The following WDR82 variants were observed in gnomAD, a reference collection of about 807,000 sequenced individuals.
The protein encoded by WDR82 is WD repeat domain 82.
WDR82 carries 8 observed loss-of-function variants against 36.1 expected under a neutral mutation model. That is an observed-to-expected ratio of 0.22 (90% CI 0.13 to 0.40). The LOEUF is 0.40. WDR82 is among the 10% of genes least tolerant of loss of function. The pLI is 1.00. For missense variants in WDR82, 185 were observed against 400.5 expected, an observed-to-expected ratio of 0.46 and a Z score of 4.59; for synonymous variants, 129 against 137.8, an observed-to-expected ratio of 0.94 and a Z score of 0.45.
At chr3:52,274,285 C>T (rs1191941035) in intron 1 of WDR82, among the ~76,000 whole-genome samples, 1 of 152,196 alleles carries the variant, frequency 6.6e-6, no homozygotes, top group Non-Finnish European at 1.5e-5. Context: ...ACTATGCCTT[C>T]GGCCGGTCAC....
Position 52,278,455 on chromosome 3 carries a change from G to C in WDR82, c.-94C>G. ...CCGAGGGGCCAACCCAGGCGGGGCGGGCGCCGCGCCGGCGGCTAGCGGGAA... is the reference window on the plus strand; with the variant it reads ...CCGAGGGGCCAACCCAGGCGGGGCGCGCGCCGCGCCGGCGGCTAGCGGGAA... On this transcript the variant is annotated 5_prime_UTR_variant, in exon 1 of 9. Coordinates refer to ENST00000296490, the MANE Select transcript of WDR82 (RefSeq NM_025222.4). 3 of 1,097,924 alleles carry C rather than the reference G, an allele frequency of 2.7e-6. No individual in the cohort carries two copies. The highest frequency in any genetic ancestry group is 3.4e-6 in the Non-Finnish European group (3 of 884,188). The allele number at this position is 1,097,924 out of a possible 1,614,324, so 68.0% of individuals were successfully genotyped here.
At chr3:52,268,723 TAAA>T (rs775719787) in intron 2 of WDR82, among the ~76,000 whole-genome samples, 1 of 139,256 alleles carries the variant, frequency 7.2e-6, no homozygotes, top group Non-Finnish European at 1.6e-5. Context: ...AGAGTCTCAT[TAAA>T]AAAAAAAAAA....
At chr3:52,259,119 T>C (rs1700037551) in intron 7 of WDR82, 78 bp downstream of exon 7, 2 of 1,317,134 alleles carry the variant, frequency 1.5e-6, no homozygotes, top group Admixed American at 4.0e-5. Context: ...TAGATAATAA[T>C]GTCTCAGTTA....
At position 52,254,612 on chromosome 3, in the gene WDR82, ATTCT is replaced by A. The variant is rs759762688; in HGVS notation, c.*2874_*2877del. ...TGGTAGCATTTGGGTGGCAAACTTG[ATTCT>A]TTCTAAAATTCCCATATTTTCCTTA... On this transcript the variant is annotated 3_prime_UTR_variant, in exon 9 of 9. Transcript: ENST00000296490. 2.1e-3 allele frequency: 314 copies of A among 152,752 alleles called. 1 individual carries two copies. Among genetic ancestry groups the A allele is most frequent in the Admixed American group, 3.9e-3 (59 of 15,298 alleles). 9.5% of individuals were successfully genotyped at this position (152,752 alleles called of 1,614,324 possible).
chr3:52,258,734 T>C (rs1029190574), intron 7 of WDR82, 56 bp from the exon 8 acceptor site: 212 of 1,609,312 alleles, frequency 1.3e-4, no homozygotes, highest in Middle Eastern at 1.2e-3. Flanking sequence ...CAAAGACAAC[T>C]GGAAATGAGA....
chr3:52,263,818 A>G (rs958792447), intron 3 of WDR82, among the ~76,000 whole-genome samples: 1 of 152,252 alleles, frequency 6.6e-6, no homozygotes, highest in Non-Finnish European at 1.5e-5. Context: ...ACTGGACCTG[A>G]GTATTAGAAA....
chr3:52,256,633 A>C lies in WDR82; in HGVS notation c.*857T>G, dbSNP rs1272490759. ...CCCACAGGTAAGTGTGATGTATCTCATGTACAAAAATAGACTCCCACCTTG... is the reference window on the plus strand; with the variant it reads ...CCCACAGGTAAGTGTGATGTATCTCCTGTACAAAAATAGACTCCCACCTTG... On this transcript the variant is annotated 3_prime_UTR_variant, in exon 9 of 9. Transcript: ENST00000296490. The C allele has an allele frequency of 6.5e-6, 1 of 153,668 alleles. No homozygotes were observed. Among genetic ancestry groups the C allele is most frequent in the Non-Finnish European group, 1.5e-5 (1 of 68,020 alleles). The allele number at this position is 153,668 out of a possible 1,614,324, so 9.5% of individuals were successfully genotyped here.
chr3:52,270,660 A>G, intron 2 of WDR82, 52 bp downstream of exon 2: 1 of 1,381,660 alleles, frequency 7.2e-7, no homozygotes, highest in Non-Finnish European at 1.0e-6. Flanking sequence ...GATTCCATGA[A>G]CTATTTAACA....
intron 2 of WDR82, among the ~76,000 whole-genome samples, chr3:52,269,831 GTT>G (rs1174673889): frequency 1.3e-5 from 2 of 152,154 alleles, no homozygotes; most frequent in African/African-American, 2.4e-5. Context: ...AAGACAATCT[GTT>G]AACTTAGGAT....
At chr3:52,275,650 C>T (rs970041573) in intron 1 of WDR82, among the ~76,000 whole-genome samples, 2 of 152,192 alleles carry the variant, frequency 1.3e-5, no homozygotes, top group African/African-American at 4.8e-5. Context: ...CTTTGGGAGG[C>T]TGAGGCGGGT....
rs1700047891 is a variant in WDR82, at chr3:52,260,095, C to G, written c.544-223G>C. On this transcript the variant is annotated intron_variant, in intron 5 of 8. Coordinates refer to ENST00000296490, the MANE Select transcript of WDR82 (RefSeq NM_025222.4). The stretch of plus-strand genomic sequence containing the variant: ...CCTGTAATCCCAGCACTTTGGGAGG[C>G]CGAGGTGGGTGGATCACCAGAGGTG... 1.3e-5 allele frequency among the ~76,000 whole-genome samples: 2 copies of G among 152,182 alleles called. 1 individual carries two copies. The highest frequency in any genetic ancestry group is 4.1e-4 in the South Asian group (2 of 4,836).
chr3:52,259,157 C>T (rs752964091), intron 7 of WDR82, 40 bp downstream of exon 7: 1 of 1,547,306 alleles, frequency 6.5e-7, no homozygotes, highest in African/African-American at 1.4e-5. Flanking sequence ...ATGCATAGTA[C>T]CAGAGAAATA....
chr3:52,268,780 C>T (rs1700128081), intron 2 of WDR82, among the ~76,000 whole-genome samples: 1 of 151,048 alleles, frequency 6.6e-6, no homozygotes, highest in Non-Finnish European at 1.5e-5. Context: ...GAGATAGGCA[C>T]AGCCAAAATA....
chr3:52,273,266 CT>C (rs1187238115), intron 1 of WDR82, among the ~76,000 whole-genome samples: 1 of 152,022 alleles, frequency 6.6e-6, no homozygotes, highest in East Asian at 1.9e-4. Flanking sequence ...CCCATCTCTA[CT>C]AAAAATTAAA....
intron 1 of WDR82, among the ~76,000 whole-genome samples, chr3:52,275,792 G>A (rs768415057): frequency 6.6e-6 from 1 of 152,202 alleles, no homozygotes; most frequent in African/African-American, 2.4e-5. Context: ...GCTGAGGCAG[G>A]AGAATCGCTT....
rs1700227009 is a variant in WDR82, at chr3:52,278,394, G to A, written c.-33C>T. The A allele has an allele frequency of 5.1e-6, 7 of 1,382,558 alleles. No homozygotes were observed. Among genetic ancestry groups the A allele is most frequent in the Non-Finnish European group, 6.6e-6 (7 of 1,061,066 alleles). The allele number at this position is 1,382,558 out of a possible 1,614,324, so 85.6% of individuals were successfully genotyped here. A position where few individuals can be genotyped will look rare whatever the true frequency, so the allele number is the denominator to read the frequency against. On this transcript the variant is annotated 5_prime_UTR_variant, in exon 1 of 9. Transcript: ENST00000296490. ...GCTGGGGAAGGCAGCGGCGGCGCAG[G>A]GCCGGGGCGGGGCCCGGCGGCGAGC...
In WDR82 at chr3:52,265,299, CAAAAAAAAAAAAAAAAAAAA is replaced by C. The variant is rs869189597; in HGVS notation, c.326+1633_326+1652del. Among the ~76,000 whole-genome samples the C allele has an allele frequency of 3.7e-3, 161 of 43,818 alleles. 1 individual carries two copies. Among genetic ancestry groups the C allele is most frequent in the African/African-American group, 0.014 (152 of 10,820 alleles). The allele number at this position is 43,818 out of a possible 152,430, so 28.7% of individuals were successfully genotyped here. On this transcript the variant is annotated intron_variant, in intron 3 of 8. Transcript: ENST00000296490. ...TGGGCGACAGAGCGAGACTCTGTCTCAAAAAAAAAAAAAAAAAAAAAAAAAAAAAAAAAAAAGAATCAGGA... is the reference window on the plus strand; with the variant it reads ...TGGGCGACAGAGCGAGACTCTGTCTCAAAAAAAAAAAAAAAAGAATCAGGA...
At chr3:52,258,209 A>G (rs931233466) in intron 8 of WDR82, among the ~76,000 whole-genome samples, 1 of 152,232 alleles carries the variant, frequency 6.6e-6, no homozygotes, top group African/African-American at 2.4e-5. Context: ...GGTTCAGAGT[A>G]TTTTAAGGAG....
chr3:52,266,871 A>T (rs775371334), intron 3 of WDR82, 81 bp downstream of exon 3: 2 of 1,226,824 alleles, frequency 1.6e-6, no homozygotes, highest in Non-Finnish European at 2.4e-6. Context: ...CAGTTCACTA[A>T]TAAGCTCTCT....
Sources: allele counts gnomAD v4.1 joint callset (sites outside exome capture counted in the v4.1 genomes callset), GRCh38; gene constraint gnomAD v4.1.1; transcripts MANE v1.5; gene names NCBI Gene and HGNC (gene_info 2026-07-23, HGNC 2026-07-21).